ZNRF1: variants seen among roughly 807,000 people sequenced by gnomAD.
ZNRF1 encodes E3 ubiquitin-protein ligase ZNRF1.
A neutral mutation model predicts 18.4 loss-of-function variants in ZNRF1; 3 were observed. The ratio of observed to expected loss-of-function variants is 0.16; its 90% CI spans 0.07 to 0.42. The LOEUF (loss-of-function observed/expected upper bound fraction) is 0.42. Among genes scored for constraint, ZNRF1 ranks in the 10% least tolerant of loss-of-function variants. The pLI is 0.99. For synonymous variants in ZNRF1, 157 were observed against 144.2 expected (o/e 1.09, Z -0.64); for missense variants, 310 against 329.8 (o/e 0.94, Z 0.47).
chr16:75,107,730 C>G lies in ZNRF1; in HGVS notation c.*33-3C>G, dbSNP rs547209756. 123 of 456,474 alleles carry G rather than the reference C, an allele frequency of 2.7e-4. 1 individual carries two copies. The highest frequency in any genetic ancestry group is 1.7e-3 in the South Asian group (110 of 64,564). 28.3% of individuals were successfully genotyped at this position (456,474 alleles called of 1,614,324 possible). A position where few individuals can be genotyped will look rare whatever the true frequency, so the allele number is the denominator to read the frequency against. ...CACGACTTATTTATTACGGTCCACA[C>G]AGGGACAGAGCGCCCCTGCTCCAGG... On this transcript the variant is annotated splice_polypyrimidine_tract_variant and splice_region_variant and intron_variant, in intron 4 of 4. Coordinates refer to ENST00000335325, the MANE Select transcript of ZNRF1 (RefSeq NM_032268.5).
chr16:75,107,859 C>T lies in ZNRF1; in HGVS notation c.*159C>T. On this transcript the variant is annotated 3_prime_UTR_variant, in exon 5 of 5. Transcript: ENST00000335325. ...CCAGATCATGGTTCTCCCTTCCTCCCTGAGGACACCAAATTGGATGAGAGC... is the reference window on the plus strand; with the variant it reads ...CCAGATCATGGTTCTCCCTTCCTCCTTGAGGACACCAAATTGGATGAGAGC... 2.2e-6 allele frequency: 1 copy of T among 453,926 alleles called. No homozygotes were observed. Among genetic ancestry groups the T allele is most frequent in the South Asian group, 1.6e-5 (1 of 64,396 alleles). The allele number at this position is 453,926 out of a possible 1,614,324, so 28.1% of individuals were successfully genotyped here.
chr16:75,101,616 C>T (rs563478695), intron 2 of ZNRF1, among the ~76,000 whole-genome samples: 3 of 152,278 alleles, frequency 2.0e-5, no homozygotes, highest in South Asian at 2.1e-4. Flanking sequence ...GTACTAGACC[C>T]GTTTATCCAT....
At chr16:75,086,088 C>G (rs2036070538) in intron 1 of ZNRF1, among the ~76,000 whole-genome samples, 2 of 152,054 alleles carry the variant, frequency 1.3e-5, no homozygotes, top group African/African-American at 4.8e-5. Context: ...CCTTTTGATT[C>G]TATTCAGGTC....
chr16:75,096,604 C>G (rs867106932), intron 2 of ZNRF1, among the ~76,000 whole-genome samples: 4 of 152,112 alleles, frequency 2.6e-5, no homozygotes, highest in Non-Finnish European at 4.4e-5. Flanking sequence ...TATGAAGATT[C>G]ACTAGAACTC....
intron 1 of ZNRF1, among the ~76,000 whole-genome samples, chr16:75,005,789 C>A (rs974319421): frequency 6.6e-6 from 1 of 151,446 alleles, no homozygotes; most frequent in African/African-American, 2.4e-5. Flanking sequence ...TGAATGTGTT[C>A]TCTCTCTCTC....
chr16:75,053,379 A>T (rs2035629558), intron 1 of ZNRF1, among the ~76,000 whole-genome samples: 1 of 152,142 alleles, frequency 6.6e-6, no homozygotes, highest in Non-Finnish European at 1.5e-5. Flanking sequence ...ACCTGAGGTC[A>T]GGAGTTCAAG....
intron 1 of ZNRF1, among the ~76,000 whole-genome samples, chr16:75,041,175 T>C (rs748892296): frequency 6.6e-6 from 1 of 152,152 alleles, no homozygotes; most frequent in African/African-American, 2.4e-5. Flanking sequence ...CTGGCAGCCT[T>C]TTCCAAAGTG....
chr16:75,107,803 C>T lies in ZNRF1; in HGVS notation c.*103C>T, dbSNP rs557889045. On this transcript the variant is annotated 3_prime_UTR_variant, in exon 5 of 5. Coordinates refer to ENST00000335325, the MANE Select transcript of ZNRF1 (RefSeq NM_032268.5). The stretch of plus-strand genomic sequence containing the variant: ...GGCAGAGCTGAGCTTGGGACACCAG[C>T]GGGAACAGGGCACCCCTTCTGCACT... 3 of 456,490 alleles carry T rather than the reference C, an allele frequency of 6.6e-6. No individual in the cohort carries two copies. Among genetic ancestry groups the T allele is most frequent in the Admixed American group, 2.3e-5 (1 of 42,578 alleles). 28.3% of individuals were successfully genotyped at this position (456,490 alleles called of 1,614,324 possible).
chr16:75,102,673 C>G (rs1248549864), intron 2 of ZNRF1, among the ~76,000 whole-genome samples: 3 of 152,222 alleles, frequency 2.0e-5, no homozygotes, highest in African/African-American at 4.8e-5. Flanking sequence ...TGGACTGCCT[C>G]TTTATCCCAC....
chr16:75,093,606 T>C lies in ZNRF1; in HGVS notation c.459T>C (p.Ala153=). The change falls in exon 2 of 5, where the codon GCT becomes GCC. Residue 153 remains alanine, a synonymous_variant. Coordinates refer to ENST00000335325, the MANE Select transcript of ZNRF1 (RefSeq NM_032268.5). ...FKCPICSKSV[A]SDEMEMHFIM... ...GCCCCATTTGCTCCAAGTCTGTGGC[T>C]TCTGACGAGATGGAAATGCACTTTA... is the stretch of plus-strand genomic sequence containing the variant. 1 of 1,614,124 alleles carries C rather than the reference T, an allele frequency of 6.2e-7. No homozygotes were observed. The highest frequency in any genetic ancestry group is 1.3e-5 in the African/African-American group (1 of 75,068).
intron 1 of ZNRF1, among the ~76,000 whole-genome samples, chr16:75,063,906 C>T (rs1347150621): frequency 1.3e-5 from 2 of 152,118 alleles, no homozygotes; most frequent in Admixed American, 6.5e-5. Context: ...TGCTAGGTGG[C>T]ACTAGAGAAG....
At chr16:75,107,229 A>G (rs535487238) in intron 4 of ZNRF1, 18 of 173,562 alleles carry the variant, frequency 1.0e-4, no homozygotes, top group Non-Finnish European at 2.2e-4. Flanking sequence ...CTTGCTGCCA[A>G]CCATCCACCC....
rs2036341201 is a variant in ZNRF1, at chr16:75,108,311, C to G, written c.*611C>G. 2.9e-6 allele frequency: 1 copy of G among 341,918 alleles called. No individual in the cohort carries two copies. The highest frequency in any genetic ancestry group is 5.2e-6 in the Non-Finnish European group (1 of 192,626). 21.2% of individuals were successfully genotyped at this position (341,918 alleles called of 1,614,324 possible). A position where few individuals can be genotyped will look rare whatever the true frequency, so the allele number is the denominator to read the frequency against. On this transcript the variant is annotated 3_prime_UTR_variant, in exon 5 of 5. Transcript: ENST00000335325. Reference sequence around the variant, plus strand: ...CTTGACTTCATTGCCAAAAAACAACCCATTGAGAACTTTCTTCCTACTGAT... The same window carrying G: ...CTTGACTTCATTGCCAAAAAACAACGCATTGAGAACTTTCTTCCTACTGAT...
At chr16:75,077,414 C>G (rs767357659) in intron 1 of ZNRF1, among the ~76,000 whole-genome samples, 1 of 152,262 alleles carries the variant, frequency 6.6e-6, no homozygotes, top group South Asian at 2.1e-4. Flanking sequence ...TGCCTGTAGT[C>G]CCAGCTATTC....
chr16:75,062,097 T>A (rs1380068312), intron 1 of ZNRF1, among the ~76,000 whole-genome samples: 2 of 152,136 alleles, frequency 1.3e-5, no homozygotes, highest in Admixed American at 1.3e-4. Context: ...CTAAGCCAAG[T>A]GAGAAATCTA....
At chr16:75,083,613 A>T (rs571170585) in intron 1 of ZNRF1, among the ~76,000 whole-genome samples, 1 of 152,200 alleles carries the variant, frequency 6.6e-6, no homozygotes, top group Non-Finnish European at 1.5e-5. Flanking sequence ...CAAACATTGA[A>T]AATGACAAGT....
chr16:75,100,926 A>T (rs1370719087), intron 2 of ZNRF1, among the ~76,000 whole-genome samples: 7 of 152,182 alleles, frequency 4.6e-5, no homozygotes, highest in Non-Finnish European at 8.8e-5. Context: ...AATGTCAAAC[A>T]CACAGCAAAG....
intron 1 of ZNRF1, among the ~76,000 whole-genome samples, chr16:75,027,070 C>G (rs540276575): frequency 6.6e-6 from 1 of 151,928 alleles, no homozygotes; most frequent in Non-Finnish European, 1.5e-5. Flanking sequence ...AAACCAAGAC[C>G]CAGCGGTTAG....
chr16:75,054,554 C>T (rs965164124), intron 1 of ZNRF1, among the ~76,000 whole-genome samples: 1 of 152,240 alleles, frequency 6.6e-6, no homozygotes, highest in African/African-American at 2.4e-5. Flanking sequence ...ACTATGTGGG[C>T]TTCTCAGTCC....
Sources: gnomAD v4.1 joint callset for allele counts (sites outside exome capture counted in the v4.1 genomes callset) on GRCh38, gnomAD v4.1.1 for gene constraint, MANE v1.5 for transcripts, NCBI Gene and HGNC (gene_info 2026-07-23, HGNC 2026-07-21) for gene names.